The following NLGN1 variants were observed in gnomAD, a reference collection of about 807,000 sequenced individuals.
NLGN1 encodes the protein neuroligin-1.
A neutral mutation model predicts 65.5 loss-of-function variants in NLGN1; 12 were observed. The observed-to-expected ratio is 0.18, with a 90% confidence interval of 0.12 to 0.30. The LOEUF (loss-of-function observed/expected upper bound fraction) is 0.30. Among genes scored for constraint, NLGN1 ranks in the 10% least tolerant of loss-of-function variants. The pLI is 1.00. For missense variants in NLGN1, 750 were observed against 1,007.1 expected, an observed-to-expected ratio of 0.74 and a Z score of 3.46; for synonymous variants, 350 against 359.5, an observed-to-expected ratio of 0.97 and a Z score of 0.30.
At chr3:173,613,870 A>G (rs1276127333) in intron 3 of NLGN1, among the ~76,000 whole-genome samples, 1 of 152,082 alleles carries the variant, frequency 6.6e-6, no homozygotes, top group Non-Finnish European at 1.5e-5. Flanking sequence ...CATTGTAACC[A>G]TAATTATCAT....
chr3:173,440,804 A>G (rs1719029455), intron 2 of NLGN1, among the ~76,000 whole-genome samples: 5 of 152,200 alleles, frequency 3.3e-5, no homozygotes, highest in African/African-American at 9.6e-5. Flanking sequence ...AGTGGTTTCA[A>G]TATAAAGTCT....
chr3:173,701,116 G>A (rs868583568), intron 3 of NLGN1, among the ~76,000 whole-genome samples: 9 of 152,074 alleles, frequency 5.9e-5, no homozygotes, highest in Admixed American at 3.9e-4. Flanking sequence ...GTGACACAGC[G>A]AGACTCCGTC....
At chr3:174,288,356 G>A (rs1455136905), downstream of NLGN1, among the ~76,000 whole-genome samples, 1 of 151,434 alleles carries the variant, frequency 6.6e-6, no homozygotes, top group African/African-American at 2.4e-5. Context: ...AGCCCCATAA[G>A]TGGTTCCTTA....
In NLGN1 at chr3:174,190,893, G is replaced by T. The variant is rs114684867; in HGVS notation, c.647-84422G>T. On this transcript the variant is annotated intron_variant, in intron 4 of 6. Transcript: ENST00000457714. The stretch of plus-strand genomic sequence containing the variant: ...AGCCAACAAAAACCCTGATTTTCAA[G>T]AAATCTGTCTTTCCAAAGGCAAATA... Among the ~76,000 whole-genome samples, 606 of 152,062 alleles carry T rather than the reference G, an allele frequency of 4.0e-3. 5 individuals carry two copies. Among genetic ancestry groups the T allele is most frequent in the African/African-American group, 0.014 (577 of 41,480 alleles).
intron 4 of NLGN1, among the ~76,000 whole-genome samples, chr3:174,244,630 TACAA>T (rs1213845087): frequency 6.6e-6 from 1 of 152,196 alleles, no homozygotes; most frequent in African/African-American, 2.4e-5. Flanking sequence ...TGACTATTAC[TACAA>T]ACAATTGAGG....
chr3:173,840,332 G>T (rs1311252885), intron 4 of NLGN1, among the ~76,000 whole-genome samples: 2 of 152,110 alleles, frequency 1.3e-5, no homozygotes, highest in Non-Finnish European at 2.9e-5. Flanking sequence ...ATTTGATTTG[G>T]GTTATATAGA....
intron 4 of NLGN1, among the ~76,000 whole-genome samples, chr3:173,964,362 A>G (rs748222700): frequency 6.6e-6 from 1 of 152,196 alleles, no homozygotes; most frequent in Non-Finnish European, 1.5e-5. Flanking sequence ...AGGGTTATCT[A>G]CTGCAACATG....
chr3:173,683,985 A>G (rs565265695), intron 3 of NLGN1, among the ~76,000 whole-genome samples: 2 of 152,258 alleles, frequency 1.3e-5, no homozygotes, highest in African/African-American at 4.8e-5. Context: ...AACAAATCAT[A>G]TATCATTATA....
chr3:173,914,718 A>G (rs1295764303), intron 4 of NLGN1, among the ~76,000 whole-genome samples: 1 of 152,128 alleles, frequency 6.6e-6, no homozygotes, highest in Non-Finnish European at 1.5e-5. Flanking sequence ...ACTAAAACCA[A>G]CATGAATCAA....
chr3:174,202,517 T>C (rs1449222689), intron 4 of NLGN1, among the ~76,000 whole-genome samples: 1 of 152,176 alleles, frequency 6.6e-6, no homozygotes, highest in African/African-American at 2.4e-5. Flanking sequence ...ACTCAAAAGG[T>C]CAAAGATTCA....
At chr3:173,884,834 C>T (rs1444573773) in intron 4 of NLGN1, among the ~76,000 whole-genome samples, 3 of 152,104 alleles carry the variant, frequency 2.0e-5, no homozygotes, top group Non-Finnish European at 2.9e-5. Context: ...GTTAAGGTGC[C>T]GACAGGTTCA....
chr3:174,022,862 G>T (rs1394463011), intron 4 of NLGN1, among the ~76,000 whole-genome samples: 1 of 152,072 alleles, frequency 6.6e-6, no homozygotes, highest in East Asian at 1.9e-4. Context: ...GTTTCTGGAG[G>T]TGCTAGTAAT....
intron 4 of NLGN1, among the ~76,000 whole-genome samples, chr3:174,106,413 C>G (rs185390752): frequency 2.4e-4 from 37 of 152,054 alleles, no homozygotes; most frequent in African/African-American, 5.1e-4. Context: ...ATGTTCCAAC[C>G]ACCCATGGTC....
At chr3:173,713,976 T>C (rs557389702) in intron 3 of NLGN1, among the ~76,000 whole-genome samples, 1 of 152,064 alleles carries the variant, frequency 6.6e-6, no homozygotes, top group South Asian at 2.1e-4. Context: ...AGCTCAAGGA[T>C]ACTAAGAAAA....
chr3:173,477,476 C>T (rs952617750), intron 2 of NLGN1, among the ~76,000 whole-genome samples: 3 of 152,010 alleles, frequency 2.0e-5, no homozygotes, highest in African/African-American at 4.8e-5. Context: ...CCCAGAAATT[C>T]GAGGCTACAG....
intron 4 of NLGN1, among the ~76,000 whole-genome samples, chr3:173,909,100 C>CATTATTCA (rs1355872097): frequency 6.6e-6 from 1 of 152,008 alleles, no homozygotes; most frequent in African/African-American, 2.4e-5. Flanking sequence ...CCAAGATTAA[C>CATTATTCA]ATTATTCATT....
chr3:174,033,507 T>C (rs1730477626), intron 4 of NLGN1, among the ~76,000 whole-genome samples: 1 of 152,002 alleles, frequency 6.6e-6, no homozygotes, highest in African/African-American at 2.4e-5. Flanking sequence ...GCTGGAAATA[T>C]CAAATGGGGC....
chr3:173,585,478 C>T (rs1473500269), intron 2 of NLGN1, among the ~76,000 whole-genome samples: 2 of 151,984 alleles, frequency 1.3e-5, no homozygotes, highest in African/African-American at 4.8e-5. Context: ...GTTGTCTCCT[C>T]CCCCACCCCT....
intron 2 of NLGN1, among the ~76,000 whole-genome samples, chr3:173,522,540 C>T (rs534163421): frequency 1.4e-3 from 218 of 152,274 alleles, no homozygotes; most frequent in African/African-American, 5.0e-3. Flanking sequence ...ACGCCATTCT[C>T]CTGCCTCAGG....
Sources: gnomAD v4.1 joint callset for allele counts (sites outside exome capture counted in the v4.1 genomes callset) on GRCh38, gnomAD v4.1.1 for gene constraint, MANE v1.5 for transcripts, NCBI Gene and HGNC (gene_info 2026-07-23, HGNC 2026-07-21) for gene names.